The following DNM3 variants were observed in gnomAD, a reference collection of about 807,000 sequenced individuals.
DNM3 encodes dynamin 3.
A neutral mutation model predicts 101.6 loss-of-function variants in DNM3; 47 were observed. The observed-to-expected ratio is 0.46, with a 90% CI of 0.37 to 0.59. The LOEUF is 0.59. DNM3 is among the 20% of genes least tolerant of loss of function. The pLI, the probability that DNM3 is intolerant of heterozygous loss-of-function variation, is 0.00. For missense variants in DNM3, 849 were observed against 1,085.7 expected (o/e 0.78, Z 3.06); for synonymous variants, 385 against 387.9 (o/e 0.99, Z 0.09).
chr1:172,216,410 T>C (rs1374150324), intron 14 of DNM3, among the ~76,000 whole-genome samples: 7 of 152,108 alleles, frequency 4.6e-5, no homozygotes. Flanking sequence ...TATTTATTCC[T>C]GAAAATTTTC....
chr1:172,189,574 G>A (rs547897260), intron 14 of DNM3, among the ~76,000 whole-genome samples: 1 of 152,080 alleles, frequency 6.6e-6, no homozygotes, highest in African/African-American at 2.4e-5. Context: ...TCATATGTTA[G>A]TAGAAGCATA....
chr1:172,335,323 C>T (rs1477226248), intron 17 of DNM3, among the ~76,000 whole-genome samples: 1 of 151,990 alleles, frequency 6.6e-6, no homozygotes, highest in Non-Finnish European at 1.5e-5. Context: ...TCAAATATGA[C>T]AAAATTACTG....
intron 1 of DNM3, among the ~76,000 whole-genome samples, chr1:171,905,305 A>G (rs2038727917): frequency 1.3e-5 from 2 of 152,212 alleles, no homozygotes; most frequent in African/African-American, 4.8e-5. Context: ...TTCAAAATTC[A>G]TGTCAAATAT....
chr1:172,107,842 C>A lies in DNM3; in HGVS notation c.1545+14967C>A, dbSNP rs543541394. Among the ~76,000 whole-genome samples, 3 of 152,318 alleles carry A rather than the reference C, an allele frequency of 2.0e-5. No homozygotes were observed. The South Asian group carries it at 6.2e-4, about 32-fold the overall frequency. Reference sequence around the variant, plus strand: ...CAGTTTCTGTCCCCAAAGCACGAATCTTTTCACATTCAGTGCAATAACATT... The same window carrying A: ...CAGTTTCTGTCCCCAAAGCACGAATATTTTCACATTCAGTGCAATAACATT... On this transcript the variant is annotated intron_variant, in intron 13 of 20. Transcript: ENST00000627582.
intron 10 of DNM3, among the ~76,000 whole-genome samples, chr1:172,067,509 C>T (rs922102169): frequency 3.9e-5 from 6 of 152,028 alleles, no homozygotes; most frequent in Admixed American, 1.3e-4. Context: ...AGTTTCTGCA[C>T]GGACTTTCTT....
chr1:171,850,687 A>C (rs1389200217), intron 1 of DNM3, among the ~76,000 whole-genome samples: 1 of 152,166 alleles, frequency 6.6e-6, no homozygotes, highest in Non-Finnish European at 1.5e-5. Context: ...AATCCTAAAA[A>C]CATATCATGT....
intron 14 of DNM3, among the ~76,000 whole-genome samples, chr1:172,205,438 A>G (rs1185445420): frequency 1.3e-5 from 2 of 152,130 alleles, no homozygotes; most frequent in African/African-American, 4.8e-5. Context: ...GTGGACTATA[A>G]ACTACATTTA....
At chr1:172,320,718 G>A (rs1006403176) in intron 16 of DNM3, among the ~76,000 whole-genome samples, 2 of 152,120 alleles carry the variant, frequency 1.3e-5, no homozygotes, top group Admixed American at 6.6e-5. Context: ...TAAGCAAGCC[G>A]AGTTATTTAA....
chr1:171,991,451 T>C (rs2045624518), intron 4 of DNM3, among the ~76,000 whole-genome samples: 1 of 152,120 alleles, frequency 6.6e-6, no homozygotes, highest in Admixed American at 6.6e-5. Context: ...AGTTCTTTGT[T>C]ATAAAGAATA....
chr1:172,153,487 C>T (rs1306015360), intron 14 of DNM3, among the ~76,000 whole-genome samples: 1 of 152,104 alleles, frequency 6.6e-6, no homozygotes, highest in Non-Finnish European at 1.5e-5. Context: ...ATCACATGAT[C>T]AGAAAGCATT....
intron 17 of DNM3, among the ~76,000 whole-genome samples, chr1:172,323,610 C>T (rs1573470198): frequency 6.6e-6 from 1 of 152,166 alleles, no homozygotes; most frequent in Non-Finnish European, 1.5e-5. Context: ...AGAGCTCCCA[C>T]ACTAAAAGAA....
chr1:172,143,940 A>G (rs765681224), intron 14 of DNM3, among the ~76,000 whole-genome samples: 9 of 152,110 alleles, frequency 5.9e-5, no homozygotes, highest in Non-Finnish European at 8.8e-5. Flanking sequence ...GAAAAGCACT[A>G]TCCATATAGC....
At chr1:172,285,967 G>T (rs947022997) in intron 15 of DNM3, among the ~76,000 whole-genome samples, 5 of 151,764 alleles carry the variant, frequency 3.3e-5, no homozygotes, top group African/African-American at 1.2e-4. Flanking sequence ...TTGTTTTTTG[G>T]CTTCTTGACC....
intron 1 of DNM3, among the ~76,000 whole-genome samples, chr1:171,903,937 A>G (rs1234055806): frequency 1.3e-5 from 2 of 152,214 alleles, no homozygotes; most frequent in Non-Finnish European, 2.9e-5. Context: ...CATTGTAACC[A>G]ACTAGTGTTC....
chr1:172,108,159 TCTTA>T (rs1217489446), intron 13 of DNM3, among the ~76,000 whole-genome samples: 2 of 152,126 alleles, frequency 1.3e-5, no homozygotes. Context: ...TCGAGAACAA[TCTTA>T]CTTTTTTTTC....
downstream of DNM3, chr1:172,412,838 T>TGATA: frequency 2.6e-6 from 2 of 762,596 alleles, no homozygotes; most frequent in Non-Finnish European, 3.2e-6. Flanking sequence ...AAGTAAAGAA[T>TGATA]GATAGCATTT....
intron 13 of DNM3, among the ~76,000 whole-genome samples, chr1:172,096,576 T>G (rs1289926121): frequency 6.6e-6 from 1 of 152,130 alleles, no homozygotes; most frequent in Non-Finnish European, 1.5e-5. Flanking sequence ...AGATTTATGA[T>G]TTAGGTACAA....
intron 16 of DNM3, among the ~76,000 whole-genome samples, chr1:172,316,527 TA>T (rs2065366862): frequency 2.6e-5 from 4 of 151,890 alleles, no homozygotes; most frequent in Admixed American, 2.6e-4. Flanking sequence ...AGGCTCAAAA[TA>T]AAAGGATTGA....
intron 2 of DNM3, among the ~76,000 whole-genome samples, chr1:171,930,540 G>A (rs116018500): frequency 6.0e-4 from 92 of 152,232 alleles, no homozygotes; most frequent in African/African-American, 2.1e-3. Flanking sequence ...ACTGAATGCC[G>A]TGGTGGAGTG....
Sources: gnomAD v4.1 joint callset for allele counts (sites outside exome capture counted in the v4.1 genomes callset) on GRCh38, gnomAD v4.1.1 for gene constraint, MANE v1.5 for transcripts, NCBI Gene and HGNC (gene_info 2026-07-23, HGNC 2026-07-21) for gene names.